The following TNKS variants were observed in gnomAD, a reference collection of about 807,000 sequenced individuals.
TNKS encodes the protein tankyrase, also known as poly [ADP-ribose] polymerase tankyrase-1.
Under a neutral mutation model 135.8 loss-of-function variants are expected in TNKS, and 72 were observed. The observed-to-expected ratio is 0.53, with a 90% CI of 0.44 to 0.64. The LOEUF is 0.64. Among genes scored for constraint, TNKS ranks in the 30% least tolerant of loss-of-function variants. The pLI is 0.00. For synonymous variants in TNKS, 849 were observed against 649.3 expected (o/e 1.31, Z -4.68); for missense variants, 1,769 against 1,674.0 (o/e 1.06, Z -0.99).
chr8:9,621,550 C>T (rs1799868087), intron 3 of TNKS, among the ~76,000 whole-genome samples: 1 of 152,102 alleles, frequency 6.6e-6, no homozygotes, highest in African/African-American at 2.4e-5. Flanking sequence ...AGGTGATCCA[C>T]CCACCTCAGC....
At chr8:9,755,341 C>T (rs981618452) in intron 20 of TNKS, among the ~76,000 whole-genome samples, 4 of 152,016 alleles carry the variant, frequency 2.6e-5, no homozygotes, top group African/African-American at 9.7e-5. Context: ...GTAAATGGTT[C>T]CATTGGTTTT....
Position 9,706,254 on chromosome 8 carries a change from G to T in TNKS, c.1269+1G>T. On this transcript the variant is annotated splice_donor_variant, in intron 7 of 26. Transcript: ENST00000310430. LOFTEE classifies it high-confidence loss of function. ...TGAAGTCACAGAACTGCTACTAAAG[G>T]TAAGAGAAATTCAGAATATTGAGCA... 6.4e-7 allele frequency: 1 copy of T among 1,562,498 alleles called. No homozygotes were observed. The highest frequency in any genetic ancestry group is 1.9e-5 in the Admixed American group (1 of 53,322).
intron 25 of TNKS, among the ~76,000 whole-genome samples, chr8:9,766,748 T>C (rs1434004773): frequency 6.6e-6 from 1 of 152,124 alleles, no homozygotes; most frequent in African/African-American, 2.4e-5. Flanking sequence ...CCTCCCAAAA[T>C]GCTGGGATTA....
intron 5 of TNKS, among the ~76,000 whole-genome samples, chr8:9,689,114 A>G (rs1803144759): frequency 6.6e-6 from 1 of 152,186 alleles, no homozygotes. Context: ...CATTCAGTCA[A>G]TAAACCTGGT....
At chr8:9,775,457 TTCTATATATA>T (rs1158099028) in intron 26 of TNKS, among the ~76,000 whole-genome samples, 47 of 65,830 alleles carry the variant, frequency 7.1e-4, no homozygotes, top group African/African-American at 2.0e-3. Flanking sequence ...TTATGAATGG[TTCTATATATA>T]TATATATATA....
chr8:9,695,199 G>A (rs1305154771), intron 5 of TNKS, among the ~76,000 whole-genome samples: 1 of 152,158 alleles, frequency 6.6e-6, no homozygotes, highest in Non-Finnish European at 1.5e-5. Flanking sequence ...GCACATAACA[G>A]TATATAGGTC....
intron 2 of TNKS, among the ~76,000 whole-genome samples, chr8:9,614,122 G>A (rs940887149): frequency 2.6e-5 from 4 of 152,110 alleles, no homozygotes; most frequent in African/African-American, 9.7e-5. Flanking sequence ...CCTTTTATAA[G>A]CCAAATCTTC....
chr8:9,585,484 A>T (rs1311071413), intron 2 of TNKS, among the ~76,000 whole-genome samples: 1 of 152,206 alleles, frequency 6.6e-6, no homozygotes, highest in East Asian at 1.9e-4. Flanking sequence ...TAAACTGAGT[A>T]AGATGTATAT....
intron 2 of TNKS, among the ~76,000 whole-genome samples, chr8:9,609,830 A>G (rs1309820239): frequency 6.6e-6 from 1 of 152,104 alleles, no homozygotes; most frequent in Admixed American, 6.5e-5. Flanking sequence ...CTATATAGGG[A>G]TAGCACTGGT....
chr8:9,638,020 G>C (rs1348713380), intron 3 of TNKS, among the ~76,000 whole-genome samples: 2 of 152,166 alleles, frequency 1.3e-5, no homozygotes, highest in African/African-American at 4.8e-5. Flanking sequence ...CCAGGCTGGA[G>C]TGTACCGGCA....
intron 5 of TNKS, among the ~76,000 whole-genome samples, chr8:9,688,787 C>T (rs1368780685): frequency 2.0e-5 from 3 of 152,052 alleles, no homozygotes; most frequent in African/African-American, 7.2e-5. Flanking sequence ...TTACAGGTGC[C>T]CGCCACCATA....
chr8:9,576,453 C>CCACCA (rs1797947879), intron 1 of TNKS, among the ~76,000 whole-genome samples: 1 of 151,054 alleles, frequency 6.6e-6, no homozygotes, highest in Admixed American at 6.6e-5. Flanking sequence ...GCGGGAGGTG[C>CCACCA]CACCACCCCC....
chr8:9,749,640 A>AT (rs974897197), intron 18 of TNKS, among the ~76,000 whole-genome samples: 4 of 151,088 alleles, frequency 2.6e-5, no homozygotes, highest in African/African-American at 4.9e-5. Flanking sequence ...ATGCCTGGCT[A>AT]TTTTTTTTGT....
At chr8:9,636,266 T>TTCAAC (rs1227914710) in intron 3 of TNKS, among the ~76,000 whole-genome samples, 1 of 152,194 alleles carries the variant, frequency 6.6e-6, no homozygotes, top group Non-Finnish European at 1.5e-5. Flanking sequence ...TTTGAAGTTA[T>TTCAAC]TTCAAGTAAA....
intron 3 of TNKS, among the ~76,000 whole-genome samples, chr8:9,654,127 A>G (rs1801251317): frequency 6.6e-6 from 1 of 152,188 alleles, no homozygotes. Flanking sequence ...TGTTCTGCAG[A>G]TAGAGTGTGA....
intron 1 of TNKS, among the ~76,000 whole-genome samples, chr8:9,565,965 T>C (rs1240038895): frequency 6.6e-6 from 1 of 152,242 alleles, no homozygotes; most frequent in South Asian, 2.1e-4. Flanking sequence ...ACTTATTATA[T>C]ATGTCAAATT....
rs1203323233 is a variant in TNKS, at chr8:9,752,594, G to C, written c.3121G>C (p.Glu1041Gln). Residue 1041 changes from glutamate to glutamine, a missense_variant, in exon 20 of 27, where the codon GAA becomes CAA. By Grantham distance (29) the Glu-to-Gln change is conservative. Transcript: ENST00000310430. ...CCAATTTCTAAAAAGCCTTGGCCTT[G>C]AACACCTTCGGGATATCTTTGAAAC... ...ISQFLKSLGL[E>Q]HLRDIFETEQ... 2 of 1,612,994 alleles carry C rather than the reference G, an allele frequency of 1.2e-6. No individual in the cohort carries two copies. Among genetic ancestry groups the C allele is most frequent in the Non-Finnish European group, 1.7e-6 (2 of 1,179,510 alleles).
chr8:9,751,670 T>A lies in TNKS; in HGVS notation c.2894T>A (p.Phe965Tyr). The change falls in exon 19 of 27, where the codon TTT becomes TAT. Residue 965 changes from phenylalanine (F) to tyrosine (Y), a missense_variant. Physicochemically the swap from Phe to Tyr is conservative, Grantham distance 22. Transcript: ENST00000310430. ...AMPPEALPTC[F>Y]KPQATVVSAS... The stretch of plus-strand genomic sequence containing the variant: ...CCCCCAGAGGCCTTACCTACCTGTT[T>A]TAAACCTCAGGCTACTGTAGTGAGT... The A allele has an allele frequency of 6.2e-7, 1 of 1,614,226 alleles. No individual in the cohort carries two copies. Among genetic ancestry groups the A allele is most frequent in the Non-Finnish European group, 8.5e-7 (1 of 1,180,048 alleles).
chr8:9,730,524 C>A (rs1563196657), intron 13 of TNKS, among the ~76,000 whole-genome samples: 1 of 152,044 alleles, frequency 6.6e-6, no homozygotes, highest in Non-Finnish European at 1.5e-5. Flanking sequence ...GGTGTTGGCA[C>A]AAGCAGATAC....
Sources: allele counts gnomAD v4.1 joint callset (sites outside exome capture counted in the v4.1 genomes callset), GRCh38; gene constraint gnomAD v4.1.1; transcripts MANE v1.5; gene names NCBI Gene and HGNC (gene_info 2026-07-23, HGNC 2026-07-21).